The following RERE variants were observed in gnomAD, a reference collection of about 807,000 sequenced individuals.
The protein encoded by RERE is arginine-glutamic acid dipeptide repeats protein.
In RERE, 40 loss-of-function variants were observed where a neutral mutation model predicts 146.1. The ratio of observed to expected loss-of-function variants is 0.27; its 90% CI spans 0.21 to 0.36. RERE has a LOEUF of 0.36. RERE is among the 10% of genes least tolerant of loss of function. RERE has a pLI of 1.00. For missense variants in RERE, 1,933 were observed against 2,138.7 expected, an observed-to-expected ratio of 0.90 and a Z score of 1.90; for synonymous variants, 1,003 against 866.0, an observed-to-expected ratio of 1.16 and a Z score of -2.78.
chr1:8,507,671 AG>A (rs1361394333), intron 8 of RERE, among the ~76,000 whole-genome samples: 4 of 151,064 alleles, frequency 2.6e-5, no homozygotes, highest in Admixed American at 6.6e-5. Flanking sequence ...AGCCTCCCAA[AG>A]TACTGGGATT....
chr1:8,388,905 C>T (rs953944115), intron 12 of RERE, among the ~76,000 whole-genome samples: 4 of 152,256 alleles, frequency 2.6e-5, no homozygotes, highest in East Asian at 3.9e-4. Flanking sequence ...TGCCACCTGC[C>T]CGCCCACTCT....
chr1:8,793,990 C>A (rs1057096070), intron 1 of RERE, among the ~76,000 whole-genome samples: 4 of 151,974 alleles, frequency 2.6e-5, no homozygotes, highest in African/African-American at 4.8e-5. Context: ...ATCGCTTGAA[C>A]CCAGGGGGTG....
At chr1:8,719,013 G>A (rs1639811806) in intron 1 of RERE, among the ~76,000 whole-genome samples, 1 of 152,130 alleles carries the variant, frequency 6.6e-6, no homozygotes, top group African/African-American at 2.4e-5. Flanking sequence ...CCAACAGTGA[G>A]GGTGGTAATT....
At chr1:8,753,184 C>T (rs7533113) in intron 1 of RERE, among the ~76,000 whole-genome samples, 129,660 of 152,188 alleles carry the variant, frequency 0.85, 55,472 homozygotes, top group East Asian at 0.95. Context: ...ACTCAAGCTA[C>T]TATTAAAAAT....
At chr1:8,646,443 G>T (rs1437594169) in intron 2 of RERE, among the ~76,000 whole-genome samples, 1 of 151,828 alleles carries the variant, frequency 6.6e-6, no homozygotes, top group Non-Finnish European at 1.5e-5. Context: ...GAGGCAGGAG[G>T]ACCACTTGAG....
chr1:8,687,392 G>A (rs547019692), intron 1 of RERE, among the ~76,000 whole-genome samples: 5 of 152,264 alleles, frequency 3.3e-5, no homozygotes, highest in African/African-American at 9.6e-5. Context: ...TGAGGCCAAG[G>A]AGGAAGTATA....
intron 11 of RERE, chr1:8,428,682 G>A (rs1445121193): frequency 6.6e-6 from 1 of 152,012 alleles, no homozygotes. Context: ...AAGAACGCAA[G>A]GTTCAGACTT....
intron 21 of RERE, among the ~76,000 whole-genome samples, 159 bp downstream of exon 21, chr1:8,355,941 C>G (rs1455161593): frequency 1.3e-5 from 2 of 152,128 alleles, no homozygotes; most frequent in Non-Finnish European, 2.9e-5. Context: ...CCCCAGAGGG[C>G]AGGAGGCTTG....
chr1:8,530,212 C>T (rs1231228387), intron 7 of RERE, among the ~76,000 whole-genome samples: 1 of 152,140 alleles, frequency 6.6e-6, no homozygotes. Flanking sequence ...CTATTAATCC[C>T]AAGTGAACAA....
chr1:8,575,635 T>C lies in RERE; in HGVS notation c.523-18112A>G, dbSNP rs1429300830. On this transcript the variant is annotated intron_variant, in intron 4 of 22. Coordinates refer to ENST00000400908, the MANE Select transcript of RERE (RefSeq NM_001042681.2). ...GGTCGCTAACTGCTGGCTCAAGCAA[T>C]CCCCCAACCTCGGCCTCCAAAAGTG... 6.1e-5 allele frequency among the ~76,000 whole-genome samples: 9 copies of C among 148,126 alleles called. No individual in the cohort carries two copies. In the Admixed American group the frequency reaches 6.1e-4, roughly 10 times the overall value.
chr1:8,817,142 G>A lies in RERE; in HGVS notation c.-145+18C>T, dbSNP rs1278108510. 1.1e-4 allele frequency: 16 copies of A among 152,292 alleles called. No homozygotes were observed. The highest frequency in any genetic ancestry group is 1.0e-3 in the Admixed American group (16 of 15,286). 9.4% of individuals were successfully genotyped at this position (152,292 alleles called of 1,614,324 possible). A position where few individuals can be genotyped will look rare whatever the true frequency, so the allele number is the denominator to read the frequency against. ...AAAAGAAAGCACACGACCCGGCGCG[G>A]GCAAGTTGGACACTTACCTTCCCCT... On this transcript the variant is annotated intron_variant, in intron 1 of 22. Transcript: ENST00000400908.
chr1:8,814,149 C>T (rs1641866527), intron 1 of RERE, among the ~76,000 whole-genome samples: 1 of 152,072 alleles, frequency 6.6e-6, no homozygotes, highest in South Asian at 2.1e-4. Flanking sequence ...GTAAAAGATA[C>T]ACAACTTTAG....
At chr1:8,467,885 C>T (rs1202899642) in intron 10 of RERE, among the ~76,000 whole-genome samples, 2 of 152,288 alleles carry the variant, frequency 1.3e-5, no homozygotes, top group East Asian at 3.9e-4. Flanking sequence ...ACCTCGTGAT[C>T]CACCCGCCTC....
intron 1 of RERE, among the ~76,000 whole-genome samples, chr1:8,769,829 C>G (rs1047631351): frequency 1.3e-5 from 2 of 151,718 alleles, no homozygotes; most frequent in Non-Finnish European, 2.9e-5. Flanking sequence ...CGCTCTGTTG[C>G]CCAGGCTGGA....
At chr1:8,800,686 C>A (rs1430063010) in intron 1 of RERE, among the ~76,000 whole-genome samples, 1 of 152,050 alleles carries the variant, frequency 6.6e-6, no homozygotes, top group Admixed American at 6.6e-5. Context: ...TTTGTAAGGG[C>A]CAGAAGTGGT....
chr1:8,400,415 C>T (rs1289355813), intron 12 of RERE, among the ~76,000 whole-genome samples: 1 of 151,964 alleles, frequency 6.6e-6, no homozygotes, highest in Non-Finnish European at 1.5e-5. Context: ...CCATGGCCGG[C>T]TAATATTTTT....
chr1:8,568,803 A>C (rs1168254722), intron 4 of RERE, among the ~76,000 whole-genome samples: 3 of 152,168 alleles, frequency 2.0e-5, no homozygotes, highest in African/African-American at 7.2e-5. Context: ...AGTGAGATTT[A>C]TTATTCCCTT....
In RERE at chr1:8,360,822, G is replaced by A; in HGVS notation, c.2685C>T (p.His895=). 1.3e-6 allele frequency: 2 copies of A among 1,556,590 alleles called. No homozygotes were observed. Among genetic ancestry groups the A allele is most frequent in the Non-Finnish European group, 1.7e-6 (2 of 1,156,798 alleles). ...LGTSPAAAYP[H]TSLQLPASQS... is the part of the protein sequence containing the mutation. ...GAGAGGCTGGCAGCTGCAGGGAGGT[G>A]TGAGGGTACGCTGCTGCTGGGGAGG... Residue 895 remains histidine, a synonymous_variant, in exon 18 of 23, where the codon CAC becomes CAT. Transcript: ENST00000400908.
At chr1:8,482,391 CA>C (rs917586050) in intron 10 of RERE, among the ~76,000 whole-genome samples, 1 of 151,766 alleles carries the variant, frequency 6.6e-6, no homozygotes, top group African/African-American at 2.4e-5. Context: ...TCAAACAAGA[CA>C]AAAAATAGGC....
Sources: allele counts gnomAD v4.1 joint callset (sites outside exome capture counted in the v4.1 genomes callset), GRCh38; gene constraint gnomAD v4.1.1; transcripts MANE v1.5; gene names NCBI Gene and HGNC (gene_info 2026-07-23, HGNC 2026-07-21).